NEDD4L: variants seen among roughly 807,000 people sequenced by gnomAD.
NEDD4L encodes the protein E3 ubiquitin-protein ligase NEDD4-like.
A neutral mutation model predicts 148.9 loss-of-function variants in NEDD4L; 54 were observed. The observed-to-expected ratio is 0.36, with a 90% CI of 0.29 to 0.45. The LOEUF is 0.45. NEDD4L is among the 20% of genes least tolerant of loss of function. The probability of loss-of-function intolerance (pLI) is 1.00; values close to 1 mark genes in which losing one functional copy is unlikely to be tolerated. For missense variants in NEDD4L, 856 were observed against 1,233.8 expected (o/e 0.69, Z 4.59); for synonymous variants, 433 against 440.7 (o/e 0.98, Z 0.22).
chr18:58,200,103 T>C (rs960766459), intron 2 of NEDD4L, among the ~76,000 whole-genome samples: 3 of 152,272 alleles, frequency 2.0e-5, no homozygotes, highest in African/African-American at 4.8e-5. Flanking sequence ...TGAAATAGGC[T>C]GCTGCAAAGG....
At chr18:58,322,645 G>A (rs1268784258) in intron 7 of NEDD4L, among the ~76,000 whole-genome samples, 159 bp downstream of exon 7, 2 of 145,858 alleles carry the variant, frequency 1.4e-5, no homozygotes, top group Non-Finnish European at 3.0e-5. Flanking sequence ...TGCATGCTGT[G>A]GGGATGCCTG....
intron 5 of NEDD4L, among the ~76,000 whole-genome samples, chr18:58,312,042 C>T (rs184580839): frequency 5.3e-5 from 8 of 152,270 alleles, no homozygotes; most frequent in Non-Finnish European, 7.4e-5. Flanking sequence ...CAGTATTTAC[C>T]GCACAAGCTC....
chr18:58,060,950 G>A (rs1010316268), intron 1 of NEDD4L, among the ~76,000 whole-genome samples: 6 of 152,086 alleles, frequency 3.9e-5, no homozygotes, highest in Admixed American at 3.3e-4. Context: ...AGTAGAAATG[G>A]GGTTTCACCA....
intron 9 of NEDD4L, among the ~76,000 whole-genome samples, chr18:58,327,560 G>A (rs1365126328): frequency 6.6e-6 from 1 of 152,190 alleles, no homozygotes; most frequent in Non-Finnish European, 1.5e-5. Context: ...CTTCCAATGG[G>A]CATAACTTCT....
intron 5 of NEDD4L, among the ~76,000 whole-genome samples, chr18:58,253,317 G>A (rs2048140555): frequency 6.6e-6 from 1 of 152,214 alleles, no homozygotes; most frequent in Non-Finnish European, 1.5e-5. Context: ...CCCAGTGATA[G>A]TTTGGGAATG....
chr18:58,188,648 C>T (rs2039742055), intron 2 of NEDD4L, among the ~76,000 whole-genome samples: 2 of 152,232 alleles, frequency 1.3e-5, no homozygotes, highest in South Asian at 4.1e-4. Context: ...AGCTTCTGCC[C>T]TTGACTTTCC....
intron 2 of NEDD4L, among the ~76,000 whole-genome samples, chr18:58,196,278 A>C (rs1053018601): frequency 6.6e-6 from 1 of 152,246 alleles, no homozygotes; most frequent in African/African-American, 2.4e-5. Context: ...GTGATGGGAC[A>C]ACATACTTCT....
chr18:58,266,327 A>G (rs2050214703), intron 5 of NEDD4L, among the ~76,000 whole-genome samples: 1 of 152,112 alleles, frequency 6.6e-6, no homozygotes, highest in African/African-American at 2.4e-5. Context: ...CAGAAAAGGA[A>G]ATCACAGAAG....
In NEDD4L at chr18:58,397,495, C is replaced by T. The variant is rs992855990; in HGVS notation, c.*1226C>T. The stretch of plus-strand genomic sequence containing the variant: ...GTAAAGCTGAGCCTACAGACCTGTC[C>T]TCACCAACTGTTTTGTGATTTCTAC... On this transcript the variant is annotated 3_prime_UTR_variant, in exon 31 of 31. Coordinates refer to ENST00000400345, the MANE Select transcript of NEDD4L (RefSeq NM_001144967.3). The T allele has an allele frequency of 6.6e-6, 1 of 152,226 alleles. No individual in the cohort carries two copies. The allele number at this position is 152,226 out of a possible 1,614,324, so 9.4% of individuals were successfully genotyped here.
intron 2 of NEDD4L, among the ~76,000 whole-genome samples, chr18:58,189,645 G>A (rs2039881864): frequency 6.6e-6 from 1 of 152,150 alleles, no homozygotes; most frequent in South Asian, 2.1e-4. Flanking sequence ...GTCAGCCCAG[G>A]GTGATTTCCT....
chr18:58,145,748 G>C (rs960506511), intron 1 of NEDD4L, among the ~76,000 whole-genome samples: 3 of 151,994 alleles, frequency 2.0e-5, no homozygotes, highest in Non-Finnish European at 4.4e-5. Context: ...TCTACTTAAG[G>C]CTCTTTGTAT....
At chr18:58,155,334 C>T (rs993154782) in intron 1 of NEDD4L, among the ~76,000 whole-genome samples, 2 of 147,274 alleles carry the variant, frequency 1.4e-5, no homozygotes, top group African/African-American at 5.0e-5. Context: ...AAAAAACGCT[C>T]CAAGTTAGAC....
chr18:58,049,100 AT>A (rs1331565702), intron 1 of NEDD4L, among the ~76,000 whole-genome samples: 1 of 152,254 alleles, frequency 6.6e-6, no homozygotes, highest in African/African-American at 2.4e-5. Flanking sequence ...ATATTTTAGA[AT>A]TGATGAATTA....
chr18:58,127,264 C>T lies in NEDD4L; in HGVS notation c.49-38524C>T, dbSNP rs541006008. On this transcript the variant is annotated intron_variant, in intron 1 of 30. Coordinates refer to ENST00000400345, the MANE Select transcript of NEDD4L (RefSeq NM_001144967.3). ...ATTGTAGGTGCTCCGTAGACACATG[C>T]GGCTAGTGGCTGCCCACAGGACGCT... 3.3e-5 allele frequency among the ~76,000 whole-genome samples: 5 copies of T among 152,340 alleles called. No homozygotes were observed. The South Asian group carries it at 8.3e-4, about 25-fold the overall frequency.
intron 5 of NEDD4L, among the ~76,000 whole-genome samples, chr18:58,309,650 C>G (rs1216707559): frequency 1.3e-5 from 2 of 151,876 alleles, no homozygotes; most frequent in Non-Finnish European, 2.9e-5. Flanking sequence ...TGTTCGCACC[C>G]CCAGTTTCCT....
intron 5 of NEDD4L, among the ~76,000 whole-genome samples, chr18:58,261,541 G>A (rs2049384888): frequency 6.6e-6 from 1 of 152,162 alleles, no homozygotes; most frequent in Admixed American, 6.5e-5. Flanking sequence ...AAGCCTGGTG[G>A]CAGAATTCCT....
chr18:58,056,270 CA>C (rs1309275007), intron 1 of NEDD4L, among the ~76,000 whole-genome samples: 1 of 152,222 alleles, frequency 6.6e-6, no homozygotes, highest in East Asian at 1.9e-4. Context: ...CTCTCACCCC[CA>C]AAAAGTGACA....
At chr18:58,139,481 C>G (rs915140447) in intron 1 of NEDD4L, among the ~76,000 whole-genome samples, 10 of 152,066 alleles carry the variant, frequency 6.6e-5, no homozygotes, top group Non-Finnish European at 1.3e-4. Context: ...ATAATCCTAT[C>G]AACATTCTAT....
chr18:58,375,355 C>T (rs1001063332), intron 24 of NEDD4L, among the ~76,000 whole-genome samples: 5 of 152,116 alleles, frequency 3.3e-5, no homozygotes, highest in Non-Finnish European at 7.4e-5. Context: ...CTCCAGTGCC[C>T]GCCTAGCTGT....
Sources: gnomAD v4.1 joint callset for allele counts (sites outside exome capture counted in the v4.1 genomes callset) on GRCh38, gnomAD v4.1.1 for gene constraint, MANE v1.5 for transcripts, NCBI Gene and HGNC (gene_info 2026-07-23, HGNC 2026-07-21) for gene names.